The following PTPRD variants were observed in gnomAD, a reference collection of about 807,000 sequenced individuals.
The protein encoded by PTPRD is protein tyrosine phosphatase receptor type D.
In PTPRD, 34 loss-of-function variants were observed where a neutral mutation model predicts 214.5. That is an observed-to-expected ratio of 0.16 (90% CI 0.12 to 0.21). PTPRD has a LOEUF of 0.21. PTPRD is among the 10% of genes least tolerant of loss of function. PTPRD has a pLI of 1.00. For synonymous variants in PTPRD, 1,128 were observed against 845.7 expected (o/e 1.33, Z -5.79); for missense variants, 2,545 against 2,398.7 (o/e 1.06, Z -1.27).
chr9:8,438,414 T>G (rs1055374255), intron 34 of PTPRD, among the ~76,000 whole-genome samples: 3 of 152,192 alleles, frequency 2.0e-5, no homozygotes, highest in African/African-American at 7.2e-5. Context: ...GTAGAAACTC[T>G]TTGTTGGTGA....
intron 4 of PTPRD, among the ~76,000 whole-genome samples, chr9:9,970,136 A>G (rs1384171246): frequency 6.6e-6 from 1 of 152,178 alleles, no homozygotes; most frequent in Non-Finnish European, 1.5e-5. Context: ...ATGAGGAACC[A>G]GCAAACCAGC....
At position 8,635,924 on chromosome 9, in the gene PTPRD, T is replaced by C. The variant is rs886627496; in HGVS notation, c.210+775A>G. ...AAACCATCAGCCTTCTCACAAACAC[T>C]CAAAAAAAGAATCTTTGATTTATGT... On this transcript the variant is annotated intron_variant, in intron 13 of 45. Coordinates refer to ENST00000381196, the MANE Select transcript of PTPRD (RefSeq NM_002839.4). Among the ~76,000 whole-genome samples, 14 of 152,070 alleles carry C rather than the reference T, an allele frequency of 9.2e-5. No homozygotes were observed. In the East Asian group the frequency reaches 2.5e-3, roughly 27 times the overall value.
At chr9:9,964,851 A>C (rs191281892) in intron 4 of PTPRD, among the ~76,000 whole-genome samples, 1 of 152,190 alleles carries the variant, frequency 6.6e-6, no homozygotes, top group Admixed American at 6.5e-5. Context: ...TGTTTCAACC[A>C]GGAAGTATAA....
At chr9:8,531,283 A>T (rs1185706669) in intron 14 of PTPRD, among the ~76,000 whole-genome samples, 2 of 152,124 alleles carry the variant, frequency 1.3e-5, no homozygotes, top group Non-Finnish European at 2.9e-5. Context: ...TGGTTTTAAT[A>T]ATCTATTCCA....
At chr9:8,543,638 G>C (rs986472959) in intron 14 of PTPRD, among the ~76,000 whole-genome samples, 1 of 152,198 alleles carries the variant, frequency 6.6e-6, no homozygotes, top group Non-Finnish European at 1.5e-5. Context: ...GGCACATGTT[G>C]TCATTTTTCC....
intron 10 of PTPRD, among the ~76,000 whole-genome samples, chr9:9,065,807 G>C (rs758973738): frequency 6.6e-6 from 1 of 151,976 alleles, no homozygotes; most frequent in African/African-American, 2.4e-5. Context: ...GTTCTCTTTA[G>C]TGGAATCTAT....
At chr9:9,243,305 C>T (rs907269647) in intron 9 of PTPRD, among the ~76,000 whole-genome samples, 2 of 152,086 alleles carry the variant, frequency 1.3e-5, no homozygotes, top group African/African-American at 2.4e-5. Context: ...TCAGCATCAT[C>T]CCGATACCAA....
At chr9:10,531,115 A>G (rs778060502) in intron 2 of PTPRD, among the ~76,000 whole-genome samples, 7 of 152,028 alleles carry the variant, frequency 4.6e-5, no homozygotes, top group Non-Finnish European at 8.8e-5. Context: ...ACGCCCGGCT[A>G]ATTTTTGTAT....
intron 11 of PTPRD, among the ~76,000 whole-genome samples, chr9:8,885,219 C>T (rs914654945): frequency 6.6e-6 from 1 of 152,148 alleles, no homozygotes; most frequent in African/African-American, 2.4e-5. Context: ...CACCATTCTG[C>T]AGTAAAACTC....
intron 36 of PTPRD, among the ~76,000 whole-genome samples, chr9:8,398,517 C>T (rs1402987894): frequency 6.6e-6 from 1 of 152,136 alleles, no homozygotes; most frequent in Non-Finnish European, 1.5e-5. Flanking sequence ...ACACACTGCT[C>T]TGATCAGAAT....
At chr9:8,934,461 AT>A (rs1383869277) in intron 11 of PTPRD, among the ~76,000 whole-genome samples, 32 of 18,376 alleles carry the variant, frequency 1.7e-3, no homozygotes, top group African/African-American at 9.9e-3. Flanking sequence ...TTATATATAT[AT>A]AAATATATAT....
chr9:10,039,484 A>T (rs2097256416), intron 3 of PTPRD, among the ~76,000 whole-genome samples: 1 of 152,106 alleles, frequency 6.6e-6, no homozygotes, highest in African/African-American at 2.4e-5. Flanking sequence ...GTTGCAATTA[A>T]AATGGTGAAA....
At chr9:9,352,562 C>T (rs964057338) in intron 9 of PTPRD, among the ~76,000 whole-genome samples, 32 of 151,866 alleles carry the variant, frequency 2.1e-4, no homozygotes, top group African/African-American at 7.0e-4. Flanking sequence ...ACTCTGTTGC[C>T]TTCACACAAA....
At chr9:10,573,690 C>T (rs114525716) in intron 2 of PTPRD, among the ~76,000 whole-genome samples, 2,547 of 151,994 alleles carry the variant, frequency 0.017, 65 homozygotes, top group African/African-American at 0.058. Flanking sequence ...TCTTTCCTGG[C>T]CCCTAGTGAA....
intron 9 of PTPRD, among the ~76,000 whole-genome samples, chr9:9,339,788 C>T (rs1466845862): frequency 2.6e-5 from 4 of 152,134 alleles, no homozygotes; most frequent in African/African-American, 9.7e-5. Context: ...ATGAAAGATG[C>T]TCACTACTTT....
chr9:10,380,611 A>G (rs113303578), intron 2 of PTPRD, among the ~76,000 whole-genome samples: 95 of 152,168 alleles, frequency 6.2e-4, no homozygotes, highest in African/African-American at 2.1e-3. Context: ...AGTACTGTTT[A>G]CCAATTTACC....
At chr9:8,738,551 A>G (rs1222630594) in intron 11 of PTPRD, among the ~76,000 whole-genome samples, 1 of 152,022 alleles carries the variant, frequency 6.6e-6, no homozygotes, top group East Asian at 1.9e-4. Context: ...CTACTAGGCT[A>G]TATTAAAAAA....
At chr9:8,677,950 T>C (rs546767386) in intron 12 of PTPRD, among the ~76,000 whole-genome samples, 1 of 152,264 alleles carries the variant, frequency 6.6e-6, no homozygotes, top group Admixed American at 6.5e-5. Context: ...TCTCAGCCTC[T>C]GCTGGTGTTG....
intron 8 of PTPRD, among the ~76,000 whole-genome samples, chr9:9,507,997 C>A (rs748197429): frequency 6.6e-6 from 1 of 151,414 alleles, no homozygotes; most frequent in Non-Finnish European, 1.5e-5. Context: ...TAGCCTAATG[C>A]TTCTATACTA....
Sources: allele counts gnomAD v4.1 joint callset (sites outside exome capture counted in the v4.1 genomes callset), GRCh38; gene constraint gnomAD v4.1.1; transcripts MANE v1.5; gene names NCBI Gene and HGNC (gene_info 2026-07-23, HGNC 2026-07-21).